The following KIF6 variants were observed in gnomAD, a reference collection of about 807,000 sequenced individuals.
The protein encoded by KIF6 is kinesin-like protein KIF6.
KIF6 carries 106 observed loss-of-function variants against 112.7 expected under a neutral mutation model. The ratio of observed to expected loss-of-function variants is 0.94; its 90% CI spans 0.80 to 1.11. KIF6 has a LOEUF of 1.11. Ranked by LOEUF, KIF6 falls within the 50% of genes least tolerant of loss-of-function variation. KIF6 has a pLI of 0.00. For missense variants in KIF6, 929 were observed against 964.0 expected (o/e 0.96, Z 0.48); for synonymous variants, 339 against 339.9 (o/e 1.00, Z 0.03).
chr6:39,336,670 G>T, intron 22 of KIF6, 122 bp from the exon 23 acceptor site: 2 of 834,370 alleles, frequency 2.4e-6, no homozygotes, highest in South Asian at 1.4e-5. Context: ...CACTGCATCT[G>T]TGTCTTGCCT....
intron 3 of KIF6, among the ~76,000 whole-genome samples, chr6:39,654,303 C>CA (rs1156456445): frequency 6.6e-6 from 1 of 152,178 alleles, no homozygotes; most frequent in African/African-American, 2.4e-5. Flanking sequence ...CCTCCACCCC[C>CA]ACAAACAGAA....
At chr6:39,555,396 GC>G (rs1334679816) in intron 10 of KIF6, among the ~76,000 whole-genome samples, 1 of 152,040 alleles carries the variant, frequency 6.6e-6, no homozygotes. Context: ...GTCTTTTGCT[GC>G]CCCCCACCCT....
chr6:39,523,329 C>T (rs1777504433), intron 13 of KIF6, among the ~76,000 whole-genome samples: 1 of 152,078 alleles, frequency 6.6e-6, no homozygotes, highest in African/African-American at 2.4e-5. Context: ...CTGCACATTG[C>T]TATCAGTGCT....
At chr6:39,412,665 T>C (rs1769570250) in intron 15 of KIF6, among the ~76,000 whole-genome samples, 1 of 152,186 alleles carries the variant, frequency 6.6e-6, no homozygotes, top group Non-Finnish European at 1.5e-5. Context: ...GTGTAATACA[T>C]AGTCTTATTT....
rs777660564 is a variant in KIF6, at chr6:39,596,146, C to G, written c.754G>C (p.Ala252Pro). The change falls in exon 7 of 23, where the codon GCT becomes CCT. Residue 252 changes from alanine (A) to proline (P), a missense_variant. Coordinates refer to ENST00000287152, the MANE Select transcript of KIF6 (RefSeq NM_145027.6). Reference sequence around the variant, plus strand: ...GTCTTTGCAACTCGCTCTGAACCAGCCAGGTCAACCAGATGGAGTTTGGCA... The same window carrying G: ...GTCTTTGCAACTCGCTCTGAACCAGGCAGGTCAACCAGATGGAGTTTGGCA... ...RHAKLHLVDL[A>P]GSERVAKTGV... 1 of 1,613,952 alleles carries G rather than the reference C, an allele frequency of 6.2e-7. No homozygotes were observed. The highest frequency in any genetic ancestry group is 1.1e-5 in the South Asian group (1 of 91,076).
At chr6:39,689,051 G>C (rs931763665) in intron 3 of KIF6, among the ~76,000 whole-genome samples, 1 of 152,116 alleles carries the variant, frequency 6.6e-6, no homozygotes, top group Non-Finnish European at 1.5e-5. Context: ...CCAGGAGTTC[G>C]AGGCTGCAGT....
rs116872991 is a variant in KIF6 at position 39,404,599 on chromosome 6, G to A, written c.1810+15349C>T. Among the ~76,000 whole-genome samples the A allele has an allele frequency of 3.1e-3, 467 of 152,208 alleles. 5 individuals are homozygous for A. Among genetic ancestry groups the A allele is most frequent in the African/African-American group, 7.9e-3 (329 of 41,538 alleles). Reference sequence around the variant, plus strand: ...TTACAGTAAGTCTTAAAATTGTGTGGTGTGACTTCTCCAGCTTTATTCTTC... The same window carrying A: ...TTACAGTAAGTCTTAAAATTGTGTGATGTGACTTCTCCAGCTTTATTCTTC... On this transcript the variant is annotated intron_variant, in intron 15 of 22. Transcript: ENST00000287152.
chr6:39,495,297 T>C (rs1420112224), intron 13 of KIF6, among the ~76,000 whole-genome samples: 2 of 152,178 alleles, frequency 1.3e-5, no homozygotes, highest in African/African-American at 4.8e-5. Context: ...GTTTAGCGAT[T>C]TGCAGCAGCG....
At chr6:39,384,915 A>G (rs905106617) in intron 16 of KIF6, among the ~76,000 whole-genome samples, 2 of 152,346 alleles carry the variant, frequency 1.3e-5, no homozygotes, top group South Asian at 4.1e-4. Context: ...ATTGGGTCAC[A>G]TATCAAAAAA....
chr6:39,427,877 C>T (rs1050132037), intron 14 of KIF6, among the ~76,000 whole-genome samples: 4 of 152,162 alleles, frequency 2.6e-5, no homozygotes, highest in Non-Finnish European at 5.9e-5. Flanking sequence ...CACTCAGCCC[C>T]GACCCAAATC....
chr6:39,672,257 C>G (rs536999547), intron 3 of KIF6, among the ~76,000 whole-genome samples: 4 of 152,264 alleles, frequency 2.6e-5, no homozygotes, highest in African/African-American at 9.6e-5. Flanking sequence ...GCTGGGATTA[C>G]AGGCATGAGC....
chr6:39,467,334 C>T (rs1477533914), intron 13 of KIF6, among the ~76,000 whole-genome samples: 1 of 152,166 alleles, frequency 6.6e-6, no homozygotes, highest in African/African-American at 2.4e-5. Context: ...GCCTCAAAGA[C>T]TACCCCTGCA....
intron 6 of KIF6, 82 bp downstream of exon 6, chr6:39,613,107 A>C (rs1783305357): frequency 8.7e-7 from 1 of 1,146,560 alleles, no homozygotes. Context: ...AACTTCTATT[A>C]TATCTTTTTT....
At chr6:39,526,742 C>T (rs949241952) in intron 13 of KIF6, among the ~76,000 whole-genome samples, 1 of 152,198 alleles carries the variant, frequency 6.6e-6, no homozygotes, top group Non-Finnish European at 1.5e-5. Context: ...TTGGTCAGTA[C>T]TGTGCTCTGC....
chr6:39,397,022 C>T (rs550207264), intron 15 of KIF6, among the ~76,000 whole-genome samples: 8 of 152,276 alleles, frequency 5.3e-5, no homozygotes, highest in East Asian at 3.9e-4. Context: ...TGCCTCTCTC[C>T]GCCTCGGTGG....
chr6:39,717,099 C>A (rs1789897063), intron 2 of KIF6, among the ~76,000 whole-genome samples: 1 of 152,142 alleles, frequency 6.6e-6, no homozygotes, highest in Admixed American at 6.5e-5. Context: ...CTGTTTTCCA[C>A]ATGTCAACAA....
At chr6:39,648,014 G>GT (rs1205588729) in intron 3 of KIF6, among the ~76,000 whole-genome samples, 1 of 146,300 alleles carries the variant, frequency 6.8e-6, no homozygotes, top group Non-Finnish European at 1.5e-5. Flanking sequence ...CCCAGCTAAT[G>GT]TTTTTTAACT....
intron 6 of KIF6, among the ~76,000 whole-genome samples, chr6:39,602,764 C>T (rs1311193370): frequency 6.6e-6 from 1 of 152,124 alleles, no homozygotes; most frequent in East Asian, 1.9e-4. Flanking sequence ...TTCCAGAGCT[C>T]TTAATCACTA....
intron 4 of KIF6, among the ~76,000 whole-genome samples, chr6:39,638,705 T>C (rs575522245): frequency 6.6e-6 from 1 of 152,256 alleles, no homozygotes; most frequent in East Asian, 1.9e-4. Context: ...GACTGTTATA[T>C]TGACCTAGTT....
Sources: allele counts gnomAD v4.1 joint callset (sites outside exome capture counted in the v4.1 genomes callset), GRCh38; gene constraint gnomAD v4.1.1; transcripts MANE v1.5; gene names NCBI Gene and HGNC (gene_info 2026-07-23, HGNC 2026-07-21).